Variants in MYLK observed in about 807,000 individuals in gnomAD.
MYLK encodes the protein myosin light chain kinase, smooth muscle.
A neutral mutation model predicts 203.4 loss-of-function variants in MYLK; 106 were observed. The ratio of observed to expected loss-of-function variants is 0.52; its 90% confidence interval spans 0.45 to 0.61. MYLK has a LOEUF of 0.61. MYLK is among the 20% of genes least tolerant of loss of function. MYLK has a pLI of 0.00. For missense variants in MYLK, 2,072 were observed against 2,442.3 expected (o/e 0.85, Z 3.20); for synonymous variants, 867 against 959.5 (o/e 0.90, Z 1.78).
intron 32 of MYLK, among the ~76,000 whole-genome samples, 182 bp downstream of exon 32, chr3:123,620,025 C>T (rs993835706): frequency 3.3e-5 from 5 of 150,694 alleles, no homozygotes; most frequent in Admixed American, 2.7e-4. Flanking sequence ...TAAAGTTAAA[C>T]GATTAAGAAT....
At chr3:123,747,200 C>T (rs2063045950) in intron 5 of MYLK, among the ~76,000 whole-genome samples, 2 of 152,300 alleles carry the variant, frequency 1.3e-5, no homozygotes, top group Middle Eastern at 3.4e-3. Flanking sequence ...GTCAGTGGCA[C>T]CACCAGAGCT....
rs2061926133 is a variant in MYLK, at chr3:123,717,193, T to C, written c.1804+4935A>G. ...CCATACGTTATGTTAACTGGATAGA[T>C]TGTATAGTGTCCAAAGTACCTGTGC... On this transcript the variant is annotated intron_variant, in intron 13 of 33. Coordinates refer to ENST00000360304, the MANE Select transcript of MYLK (RefSeq NM_053025.4). Among the ~76,000 whole-genome samples, 3 of 152,196 alleles carry C rather than the reference T, an allele frequency of 2.0e-5. No individual in the cohort carries two copies. In the South Asian group the frequency reaches 6.2e-4, roughly 31 times the overall value.
At chr3:123,661,400 A>G (rs2059557026) in intron 23 of MYLK, among the ~76,000 whole-genome samples, 1 of 152,164 alleles carries the variant, frequency 6.6e-6, no homozygotes, top group Non-Finnish European at 1.5e-5. Flanking sequence ...ACAGATCTAA[A>G]TGTACCAGTA....
At chr3:123,676,981 G>A (rs2060089890) in intron 20 of MYLK, among the ~76,000 whole-genome samples, 1 of 152,140 alleles carries the variant, frequency 6.6e-6, no homozygotes, top group Non-Finnish European at 1.5e-5. Flanking sequence ...CCCCATCAAT[G>A]CCTCCTTTAC....
intron 3 of MYLK, among the ~76,000 whole-genome samples, chr3:123,820,132 T>TGG (rs1043188055): frequency 1.3e-5 from 2 of 151,872 alleles, no homozygotes; most frequent in African/African-American, 4.8e-5. Context: ...CTGTAAAAGG[T>TGG]GGGGATGCAT....
chr3:123,679,213 A>G (rs2060175553), intron 20 of MYLK, among the ~76,000 whole-genome samples: 1 of 150,922 alleles, frequency 6.6e-6, no homozygotes, highest in Admixed American at 6.6e-5. Context: ...AGGCTGAGGC[A>G]GGAGAATCGC....
rs200536833 is a variant in MYLK, at chr3:123,700,619, T to C, written c.2849A>G (p.Gln950Arg). Residue 950 changes from glutamine (Q) to arginine (R), a missense_variant, in exon 18 of 34, where the codon CAG (glutamine) becomes CGG (arginine). By Grantham distance (43) the Gln-to-Arg change is conservative (BLOSUM62 1). Around this residue, in one of 3 missense-constraint regions of MYLK, gnomAD observed 865 missense variants for 1,016.0 expected, o/e 0.85. Transcript: ENST00000360304. ...EEERKVHSPQ[Q>R]VDFRSVLAKK... ...GGCCAGGACAGAGCGAAAATCGACC[T>C]GCTGGGGGCTGTGCACCTTCCTCTC... 8 of 1,613,970 alleles carry C rather than the reference T, an allele frequency of 5.0e-6. No individual in the cohort carries two copies. The African/African-American group carries it at 1.1e-4, about 22-fold the overall frequency.
chr3:123,623,418 C>T (rs181763108), intron 31 of MYLK: 43 of 152,294 alleles, frequency 2.8e-4, no homozygotes, highest in African/African-American at 1.0e-3. Flanking sequence ...TCCAACATAT[C>T]TTTGTAAAAT....
At chr3:123,740,096 T>C in intron 5 of MYLK, 95 bp from the exon 6 acceptor site, 5 of 1,210,752 alleles carry the variant, frequency 4.1e-6, no homozygotes, top group Non-Finnish European at 6.1e-6. Flanking sequence ...GGGATAGTGA[T>C]GGTGATCATT....
Position 123,700,226 on chromosome 3 carries a change from T to C in MYLK, c.3242A>G (p.His1081Arg), listed in dbSNP as rs113491038. 4.0e-4 allele frequency: 650 copies of C among 1,613,904 alleles called. 2 individuals carry two copies. The African/African-American group carries it at 7.8e-3, about 19-fold the overall frequency. Residue 1081 changes from histidine to arginine, a missense_variant, in exon 18 of 34, where the codon CAT (histidine) becomes CGT (arginine). Transcript: ENST00000360304. ...VKNDVNCKRG[H>R]AGTTDNEKRS... ...CTTTTCATTATCTGTGGTCCCTGCA[T>C]GGCCTCTCTTGCAGTTCACATCATT...
intron 2 of MYLK, among the ~76,000 whole-genome samples, chr3:123,865,545 G>C (rs1041023462): frequency 1.3e-5 from 2 of 152,218 alleles, no homozygotes; most frequent in Non-Finnish European, 2.9e-5. Flanking sequence ...AGTACTTATT[G>C]TGTGCCAGAT....
At chr3:123,830,383 C>A (rs2700349) in intron 3 of MYLK, among the ~76,000 whole-genome samples, 25,038 of 152,052 alleles carry the variant, frequency 0.16, 2,209 homozygotes, top group South Asian at 0.23. Context: ...ACCTTATAGT[C>A]ACTTTTAAAA....
At chr3:123,803,707 T>C (rs547615636) in intron 3 of MYLK, among the ~76,000 whole-genome samples, 8 of 152,248 alleles carry the variant, frequency 5.3e-5, no homozygotes, top group Admixed American at 2.6e-4. Flanking sequence ...AAGACTTCTG[T>C]TGGGGCTCCC....
At chr3:123,669,175 C>T (rs1034300287) in intron 20 of MYLK, among the ~76,000 whole-genome samples, 2 of 152,204 alleles carry the variant, frequency 1.3e-5, no homozygotes, top group Non-Finnish European at 2.9e-5. Flanking sequence ...CTGAGATCAC[C>T]GAGCTGATGG....
At chr3:123,622,393 G>A (rs2107917939) in intron 31 of MYLK, 1 of 152,352 alleles carries the variant, frequency 6.6e-6, no homozygotes, top group Middle Eastern at 3.4e-3. Context: ...GACCTCTACA[G>A]AACGACTCTG....
At chr3:123,781,845 T>A (rs754976717) in intron 4 of MYLK, among the ~76,000 whole-genome samples, 3 of 152,120 alleles carry the variant, frequency 2.0e-5, no homozygotes, top group Non-Finnish European at 4.4e-5. Context: ...TAAACATTAC[T>A]TGAATGAATC....
chr3:123,653,186 G>C (rs1332939703), intron 24 of MYLK, among the ~76,000 whole-genome samples: 2 of 152,018 alleles, frequency 1.3e-5, no homozygotes, highest in Admixed American at 6.6e-5. Context: ...CACCCCATCT[G>C]CTCCACAGAA....
At chr3:123,677,492 C>A (rs1360947179) in intron 20 of MYLK, among the ~76,000 whole-genome samples, 1 of 152,118 alleles carries the variant, frequency 6.6e-6, no homozygotes, top group Non-Finnish European at 1.5e-5. Flanking sequence ...TCTCCCCATG[C>A]CCTACTCAGC....
At chr3:123,635,538 C>G (rs1416340790) in intron 29 of MYLK, among the ~76,000 whole-genome samples, 1 of 152,184 alleles carries the variant, frequency 6.6e-6, no homozygotes, top group Non-Finnish European at 1.5e-5. Flanking sequence ...CACACACACA[C>G]CCCTCCTCCC....
Sources: gnomAD v4.1 joint callset for allele counts (sites outside exome capture counted in the v4.1 genomes callset) on GRCh38, gnomAD v4.1.1 for gene constraint, gnomAD v4.1.1 regional missense constraint, MANE v1.5 for transcripts, NCBI Gene and HGNC (gene_info 2026-07-23, HGNC 2026-07-21) for gene names.